The following LRRK2 variants were observed in gnomAD, a reference collection of about 807,000 sequenced individuals.
The protein encoded by LRRK2 is leucine-rich repeat serine/threonine-protein kinase 2.
Under a neutral mutation model 302.6 loss-of-function variants are expected in LRRK2, and 203 were observed. The observed-to-expected ratio is 0.67, with a 90% CI of 0.60 to 0.75. The LOEUF is 0.75. Ranked by LOEUF, LRRK2 falls within the 30% of genes least tolerant of loss-of-function variation. The probability of loss-of-function intolerance (pLI) is 0.00; values close to 1 mark genes in which losing one functional copy is unlikely to be tolerated. For synonymous variants in LRRK2, 1,066 were observed against 1,031.9 expected (o/e 1.03, Z -0.63); for missense variants, 2,830 against 2,951.0 (o/e 0.96, Z 0.95).
intron 33 of LRRK2, among the ~76,000 whole-genome samples, chr12:40,316,740 A>T (rs1252305366): frequency 1.3e-5 from 2 of 152,088 alleles, no homozygotes; most frequent in Non-Finnish European, 2.9e-5. Context: ...AATTTTAAAA[A>T]ATTCAGAACT....
At position 40,354,432 on chromosome 12, in the gene LRRK2, C is replaced by T; in HGVS notation, c.6710C>T (p.Thr2237Ile). 4 of 1,614,076 alleles carry T rather than the reference C, an allele frequency of 2.5e-6. No homozygotes were observed. The highest frequency in any genetic ancestry group is 1.1e-5 in the South Asian group (1 of 91,074). The change falls in exon 45 of 51, where the codon ACC becomes ATC. Residue 2237 changes from threonine to isoleucine, a missense_variant. Around this residue, in one of 3 missense-constraint regions of LRRK2, gnomAD observed 456 missense variants for 456.3 expected, o/e 1.00. Transcript: ENST00000298910. ...INTEDGKKRH[T>I]LEKMTDSVTC... ...ACCGAAGATGGGAAAAAGAGACATA[C>T]CCTAGAAAAGATGACTGATTCTGTC...
intron 39 of LRRK2, among the ~76,000 whole-genome samples, chr12:40,334,541 TAGAGA>T (rs1216298917): frequency 1.3e-5 from 2 of 152,186 alleles, no homozygotes; most frequent in Admixed American, 6.5e-5. Context: ...TAAAGCAAGC[TAGAGA>T]AAAGAGTATT....
intron 6 of LRRK2, among the ~76,000 whole-genome samples, 162 bp from the exon 7 acceptor site, chr12:40,243,388 G>A (rs1161807577): frequency 6.6e-6 from 1 of 152,052 alleles, no homozygotes; most frequent in Non-Finnish European, 1.5e-5. Flanking sequence ...TTAATGAACA[G>A]CATAGTATTT....
chr12:40,314,222 T>C, intron 32 of LRRK2, 49 bp downstream of exon 32: 1 of 1,539,624 alleles, frequency 6.5e-7, no homozygotes, highest in Non-Finnish European at 9.0e-7. Context: ...TAGTAACTTA[T>C]AAAAGTGTTT....
In LRRK2 at chr12:40,306,726, T is replaced by C. The variant is rs112034803; in HGVS notation, c.3959+760T>C. On this transcript the variant is annotated intron_variant, in intron 28 of 50. Coordinates refer to ENST00000298910, the MANE Select transcript of LRRK2 (RefSeq NM_198578.4). ...AAATCTTGGCACCCAACACAGTGCC[T>C]GGCATACAATTAATAGTTGTTTAAT... is the stretch of plus-strand genomic sequence containing the variant. 3.9e-5 allele frequency among the ~76,000 whole-genome samples: 6 copies of C among 152,310 alleles called. 1 individual carries two copies. Among genetic ancestry groups the C allele is most frequent in the African/African-American group, 1.2e-4 (5 of 41,574 alleles).
chr12:40,287,622 C>T, intron 20 of LRRK2, 83 bp downstream of exon 20: 1 of 1,362,462 alleles, frequency 7.3e-7, no homozygotes, highest in Non-Finnish European at 1.0e-6. Flanking sequence ...AAAACCTGAC[C>T]TAAATCATCT....
At chr12:40,317,753 G>A (rs1945268788) in intron 33 of LRRK2, among the ~76,000 whole-genome samples, 1 of 152,096 alleles carries the variant, frequency 6.6e-6, no homozygotes, top group African/African-American at 2.4e-5. Flanking sequence ...AGGTTATGAG[G>A]TTGAAGGAAT....
At position 40,295,530 on chromosome 12, in the gene LRRK2, A is replaced by T; in HGVS notation, c.2982A>T (p.Leu994=). ...CACTAGACCTTTCAGCAAATGAACT[A>T]AGAGATATTGATGCCCTAAGCCAGA... ...ITSLDLSANE[L]RDIDALSQKC... Residue 994 remains leucine (L), a synonymous_variant, in exon 23 of 51, where the codon CTA becomes CTT. Coordinates refer to ENST00000298910, the MANE Select transcript of LRRK2 (RefSeq NM_198578.4). 1 of 1,614,016 alleles carries T rather than the reference A, an allele frequency of 6.2e-7. No homozygotes were observed. Among genetic ancestry groups the T allele is most frequent in the Non-Finnish European group, 8.5e-7 (1 of 1,179,988 alleles).
At chr12:40,244,045 A>G (rs1373187556) in intron 7 of LRRK2, among the ~76,000 whole-genome samples, 1 of 152,130 alleles carries the variant, frequency 6.6e-6, no homozygotes, top group Admixed American at 6.6e-5. Flanking sequence ...CATAACATAT[A>G]CAATATAAAG....
chr12:40,240,555 T>G lies in LRRK2; in HGVS notation c.644T>G (p.Phe215Cys). 6.2e-7 allele frequency: 1 copy of G among 1,613,392 alleles called. No homozygotes were observed. Among genetic ancestry groups the G allele is most frequent in the Non-Finnish European group, 8.5e-7 (1 of 1,179,594 alleles). Residue 215 changes from phenylalanine (F) to cysteine (C), a missense_variant, in exon 6 of 51, where the codon TTT becomes TGT. Phe to Cys is a radical substitution (Grantham distance 205, BLOSUM62 -2). Transcript: ENST00000298910. ...YMILLSALTN[F>C]KDEEEIVLHV... ...ATATTGTTAAGTGCGTTAACAAATT[T>G]TAAAGATGAAGAGGAAATTGTGCTT...
intron 11 of LRRK2, among the ~76,000 whole-genome samples, chr12:40,256,006 T>C (rs1385924483): frequency 1.3e-5 from 2 of 152,208 alleles, no homozygotes; most frequent in Non-Finnish European, 2.9e-5. Flanking sequence ...TAAAACTTTT[T>C]ATGTTTCTTT....
chr12:40,254,135 A>T (rs534144791), intron 11 of LRRK2, among the ~76,000 whole-genome samples: 8 of 152,154 alleles, frequency 5.3e-5, no homozygotes, highest in Non-Finnish European at 1.2e-4. Flanking sequence ...AAAACTCATC[A>T]TAAAGGCATT....
intron 10 of LRRK2, among the ~76,000 whole-genome samples, chr12:40,251,858 G>T (rs1305331704): frequency 2.0e-5 from 3 of 152,140 alleles, no homozygotes; most frequent in Non-Finnish European, 2.9e-5. Flanking sequence ...TTCATCTTGG[G>T]TGATAGAAAT....
At chr12:40,340,493 A>C in intron 41 of LRRK2, 39 bp downstream of exon 41, 1 of 1,606,778 alleles carries the variant, frequency 6.2e-7, no homozygotes, top group Non-Finnish European at 8.5e-7. Flanking sequence ...TATCTTCAGG[A>C]TGGATAACCA....
At chr12:40,268,358 G>C (rs546858047) in intron 14 of LRRK2, among the ~76,000 whole-genome samples, 1 of 152,232 alleles carries the variant, frequency 6.6e-6, no homozygotes, top group South Asian at 2.1e-4. Flanking sequence ...AATATACCAA[G>C]CTTAAATATT....
intron 23 of LRRK2, among the ~76,000 whole-genome samples, chr12:40,297,819 T>A (rs1344160604): frequency 6.6e-6 from 1 of 152,120 alleles, no homozygotes; most frequent in Non-Finnish European, 1.5e-5. Flanking sequence ...AAGTAACTAT[T>A]TTTATAGTTA....
intron 20 of LRRK2, among the ~76,000 whole-genome samples, chr12:40,288,813 T>C (rs1282905633): frequency 6.6e-6 from 1 of 151,912 alleles, no homozygotes; most frequent in African/African-American, 2.4e-5. Flanking sequence ...TAGATAGAAG[T>C]TGTGACAGGT....
At position 40,369,253 on chromosome 12, in the gene LRRK2, A is replaced by T. The variant is rs2137065623; in HGVS notation, c.*1488A>T. 1 of 151,940 alleles carries T rather than the reference A, an allele frequency of 6.6e-6. No homozygotes were observed. Among genetic ancestry groups the T allele is most frequent in the East Asian group, 1.9e-4 (1 of 5,170 alleles). The allele number at this position is 151,940 out of a possible 1,614,324, so 9.4% of individuals were successfully genotyped here. A position where few individuals can be genotyped will look rare whatever the true frequency, so the allele number is the denominator to read the frequency against. ...TTAAAAAAATGAATACCATATTTAA[A>T]TGGAATAATAAAGGTTTTTTAAAAA... On this transcript the variant is annotated 3_prime_UTR_variant, in exon 51 of 51. Coordinates refer to ENST00000298910, the MANE Select transcript of LRRK2 (RefSeq NM_198578.4).
At chr12:40,257,744 C>G (rs11564208) in intron 12 of LRRK2, among the ~76,000 whole-genome samples, 1 of 152,124 alleles carries the variant, frequency 6.6e-6, no homozygotes, top group African/African-American at 2.4e-5. Flanking sequence ...TCTTTCACAA[C>G]GAATATATTA....
Sources: gnomAD v4.1 joint callset for allele counts (sites outside exome capture counted in the v4.1 genomes callset) on GRCh38, gnomAD v4.1.1 for gene constraint, gnomAD v4.1.1 regional missense constraint, MANE v1.5 for transcripts, NCBI Gene and HGNC (gene_info 2026-07-23, HGNC 2026-07-21) for gene names.